Variants in PCDHA1 observed in about 807,000 individuals in gnomAD.
PCDHA1 encodes the protein protocadherin alpha 1, also known as protocadherin alpha-1.
Under a neutral mutation model 61.3 loss-of-function variants are expected in PCDHA1, and 42 were observed. That is an observed-to-expected ratio of 0.69 (90% CI 0.54 to 0.89). The LOEUF (loss-of-function observed/expected upper bound fraction) is 0.89, where lower values mean the gene tolerates loss of function less well. Among genes scored for constraint, PCDHA1 ranks in the 40% least tolerant of loss-of-function variants. PCDHA1 has a pLI of 0.00. For synonymous variants in PCDHA1, 610 were observed against 553.8 expected (o/e 1.10, Z -1.43); for missense variants, 1,256 against 1,235.3 (o/e 1.02, Z -0.25).
At chr5:140,907,882 G>A (rs895415928) in intron 1 of PCDHA1, among the ~76,000 whole-genome samples, 1 of 152,168 alleles carries the variant, frequency 6.6e-6, no homozygotes, top group African/African-American at 2.4e-5. Flanking sequence ...GCACTCACAT[G>A]GGATACAAAT....
At chr5:140,791,694 T>C (rs550051068) in intron 1 of PCDHA1, among the ~76,000 whole-genome samples, 23 of 152,302 alleles carry the variant, frequency 1.5e-4, no homozygotes, top group Non-Finnish European at 2.6e-4. Context: ...ATGGAAAAAA[T>C]CTACTGTGTT....
At chr5:140,850,839 T>A in intron 1 of PCDHA1, 1 of 1,597,606 alleles carries the variant, frequency 6.3e-7, no homozygotes, top group Non-Finnish European at 8.6e-7. Context: ...TTGTGCTGGA[T>A]CTACAGAGCG....
At chr5:140,826,404 G>T (rs1027419773) in intron 1 of PCDHA1, among the ~76,000 whole-genome samples, 2 of 152,092 alleles carry the variant, frequency 1.3e-5, no homozygotes, top group Non-Finnish European at 2.9e-5. Context: ...ATAGATCCAG[G>T]TTAATTATTT....
At chr5:140,991,569 A>G (rs1157834136) in intron 3 of PCDHA1, among the ~76,000 whole-genome samples, 4 of 152,188 alleles carry the variant, frequency 2.6e-5, no homozygotes, top group Admixed American at 6.5e-5. Flanking sequence ...GTTTCCAATA[A>G]CAGGCTCCTT....
At chr5:140,987,995 C>T (rs1554249784) in intron 3 of PCDHA1, among the ~76,000 whole-genome samples, 3 of 152,178 alleles carry the variant, frequency 2.0e-5, no homozygotes, top group African/African-American at 7.2e-5. Flanking sequence ...CATCTCTGAT[C>T]CTTCCCCAGA....
chr5:140,787,034 A>T lies in PCDHA1; in HGVS notation c.744A>T (p.Arg248Ser), dbSNP rs1554117640. 3 of 1,614,114 alleles carry T rather than the reference A, an allele frequency of 1.9e-6. No homozygotes were observed. In the Admixed American group the frequency reaches 5.0e-5, roughly 27 times the overall value. Residue 248 changes from arginine to serine, a missense_variant, in exon 1 of 4, where the codon AGA becomes AGT. Physicochemically the swap from Arg to Ser is moderately radical, Grantham distance 110. Coordinates refer to ENST00000504120, the MANE Select transcript of PCDHA1 (RefSeq NM_018900.4). ...CACTGTTTGACCAGGCCGTATACAGAGTCCACTTGTTAGAGACTACAGCAA... is the reference window on the plus strand; with the variant it reads ...CACTGTTTGACCAGGCCGTATACAGTGTCCACTTGTTAGAGACTACAGCAA... ...NAPLFDQAVYRVHLLETTANG... is the reference protein window; with the variant it reads ...NAPLFDQAVYSVHLLETTANG...
At chr5:140,878,556 A>G (rs959852623) in intron 1 of PCDHA1, among the ~76,000 whole-genome samples, 3 of 152,156 alleles carry the variant, frequency 2.0e-5, no homozygotes, top group East Asian at 3.8e-4. Context: ...GATGATCCCA[A>G]ACTTATCATA....
At chr5:140,883,547 G>GC in intron 1 of PCDHA1, 5 of 1,614,234 alleles carry the variant, frequency 3.1e-6, no homozygotes, top group Non-Finnish European at 3.4e-6. Context: ...GGTGGTGACC[G>GC]CGCGGGACGG....
intron 1 of PCDHA1, among the ~76,000 whole-genome samples, chr5:140,899,105 T>G (rs2153462801): frequency 6.6e-6 from 1 of 152,160 alleles, no homozygotes; most frequent in Non-Finnish European, 1.5e-5. Flanking sequence ...GATAATGGGG[T>G]TTTCTAGATA....
chr5:140,788,779 G>A (rs1328444463), intron 1 of PCDHA1, 95 bp downstream of exon 1: 4 of 1,445,196 alleles, frequency 2.8e-6, no homozygotes, highest in East Asian at 2.4e-5. Context: ...TGTCTTCAAG[G>A]TGTTCACTAA....
At chr5:140,928,471 G>T in intron 1 of PCDHA1, 1 of 1,614,148 alleles carries the variant, frequency 6.2e-7, no homozygotes, top group Non-Finnish European at 8.5e-7. Context: ...CCAAGTAGAA[G>T]GCCGGGATGG....
At chr5:140,875,465 T>G in intron 1 of PCDHA1, 1 of 1,599,690 alleles carries the variant, frequency 6.3e-7, no homozygotes, top group Non-Finnish European at 8.5e-7. Flanking sequence ...AGGCCCTCAT[T>G]TTCTGCAATG....
intron 1 of PCDHA1, chr5:140,830,111 C>T: frequency 1.2e-6 from 2 of 1,613,576 alleles, no homozygotes; most frequent in Non-Finnish European, 1.7e-6. Context: ...GGAGAGTGGC[C>T]AGGCTCCAAA....
intron 3 of PCDHA1, among the ~76,000 whole-genome samples, chr5:140,985,879 A>G (rs539308826): frequency 6.6e-6 from 1 of 151,504 alleles, no homozygotes; most frequent in Non-Finnish European, 1.5e-5. Context: ...AGCTGGGACT[A>G]CAGGCGCCCG....
At chr5:140,808,451 G>A (rs781801609) in intron 1 of PCDHA1, 16 of 1,614,210 alleles carry the variant, frequency 9.9e-6, no homozygotes, top group South Asian at 5.5e-5. Flanking sequence ...GTCAGCCTAT[G>A]AGCTGGTGGT....
At chr5:140,822,157 A>C in intron 1 of PCDHA1, 1 of 1,614,258 alleles carries the variant, frequency 6.2e-7, no homozygotes, top group South Asian at 1.1e-5. Flanking sequence ...CATCAATGAC[A>C]ATCCGCCCAG....
intron 1 of PCDHA1, chr5:140,805,031 A>ATC (rs1554123195): frequency 3.3e-5 from 53 of 1,582,330 alleles, no homozygotes; most frequent in Non-Finnish European, 4.5e-5. Context: ...TGAATATAAT[A>ATC]GAGTCAGCCA....
rs371718634 is a variant in PCDHA1, at chr5:140,884,469, C to G, written c.2395-94480C>G. ...CCGCCCACCGAGGGCGCGTGCGCGCCGGGCAAGCCCACTCTAGTGTGCTCC... is the reference window on the plus strand; with the variant it reads ...CCGCCCACCGAGGGCGCGTGCGCGCGGGGCAAGCCCACTCTAGTGTGCTCC... On this transcript the variant is annotated intron_variant, in intron 1 of 3. Coordinates refer to ENST00000504120, the MANE Select transcript of PCDHA1 (RefSeq NM_018900.4). 7.7e-5 allele frequency: 124 copies of G among 1,613,648 alleles called. 1 individual carries two copies. The highest frequency in any genetic ancestry group is 9.6e-5 in the Non-Finnish European group (113 of 1,179,828).
rs1229783262 is a variant in PCDHA1 at position 140,850,596 on chromosome 5, A to G, written c.2394+61912A>G. ...GCTGGTGGATGTCAACGTGTACCTG[A>G]TCATCGCCATCTGCGCGGTGTCTAG... On this transcript the variant is annotated intron_variant, in intron 1 of 3. Coordinates refer to ENST00000504120, the MANE Select transcript of PCDHA1 (RefSeq NM_018900.4). 2 of 1,598,308 alleles carry G rather than the reference A, an allele frequency of 1.3e-6. 1 individual carries two copies. The highest frequency in any genetic ancestry group is 1.7e-6 in the Non-Finnish European group (2 of 1,167,786).
Sources: allele counts gnomAD v4.1 joint callset (sites outside exome capture counted in the v4.1 genomes callset), GRCh38; gene constraint gnomAD v4.1.1; transcripts MANE v1.5; gene names NCBI Gene and HGNC (gene_info 2026-07-23, HGNC 2026-07-21).